PUS10: variants seen among roughly 807,000 people sequenced by gnomAD.
PUS10 encodes tRNA pseudouridine synthase Pus10.
Under a neutral mutation model 75.0 loss-of-function variants are expected in PUS10, and 59 were observed. The observed-to-expected ratio is 0.79, with a 90% confidence interval of 0.64 to 0.98. The LOEUF (loss-of-function observed/expected upper bound fraction) is 0.98, where lower values mean the gene tolerates loss of function less well. Among genes scored for constraint, PUS10 ranks in the 50% least tolerant of loss-of-function variants. PUS10 has a pLI of 0.00. For synonymous variants in PUS10, 219 were observed against 211.6 expected (o/e 1.03, Z -0.30); for missense variants, 650 against 614.4 (o/e 1.06, Z -0.61).
chr2:60,989,290 C>G (rs966541010), intron 4 of PUS10, among the ~76,000 whole-genome samples: 1 of 152,280 alleles, frequency 6.6e-6, no homozygotes, highest in African/African-American at 2.4e-5. Flanking sequence ...TCCCCTACCC[C>G]ACTCCATGCA....
intron 4 of PUS10, among the ~76,000 whole-genome samples, chr2:60,979,354 G>A (rs1317345025): frequency 6.6e-6 from 1 of 152,052 alleles, no homozygotes; most frequent in Non-Finnish European, 1.5e-5. Flanking sequence ...CTCCATCAGG[G>A]CCTGTGCCTC....
intron 17 of PUS10, 143 bp from the exon 18 acceptor site, chr2:60,942,576 A>ATTAACCC: frequency 1.5e-6 from 1 of 662,498 alleles, no homozygotes; most frequent in Non-Finnish European, 2.7e-6. Flanking sequence ...AATACCATAA[A>ATTAACCC]TTAACCCTCA....
intron 2 of PUS10, chr2:61,010,233 C>T (rs1679509963): frequency 6.6e-6 from 1 of 152,576 alleles, no homozygotes; most frequent in South Asian, 2.1e-4. Context: ...CAAAACCAGT[C>T]TTATTACTTT....
In PUS10 at chr2:60,965,426, A is replaced by C. The variant is rs769242531; in HGVS notation, c.674T>G (p.Phe225Cys). ...CGTTGTTTACATGGCAACTTACAGG[A>C]AGTGGCAATCCTCAACTGTTTCTGG... Reference protein sequence around the residue: ...AHPETVEDCHFLAAICPDCFK... With the variant: ...AHPETVEDCHCLAAICPDCFK... Residue 225 changes from phenylalanine to cysteine, a missense_variant, in exon 7 of 18, where the codon TTC becomes TGC. Physicochemically the swap from Phe to Cys is radical, Grantham distance 205. Coordinates refer to ENST00000316752, the MANE Select transcript of PUS10 (RefSeq NM_144709.4). The C allele has an allele frequency of 5.6e-6, 9 of 1,610,612 alleles. No homozygotes were observed. The highest frequency in any genetic ancestry group is 5.9e-6 in the Non-Finnish European group (7 of 1,178,310).
At chr2:60,960,343 C>CAA (rs375391646) in intron 11 of PUS10, 49 bp downstream of exon 11, 10,313 of 1,133,086 alleles carry the variant, frequency 9.1e-3, no homozygotes, top group Non-Finnish European at 0.01. Flanking sequence ...GCCCCTATCT[C>CAA]AAAAAAAAAA....
At chr2:61,007,257 A>G (rs1162305325) in intron 3 of PUS10, among the ~76,000 whole-genome samples, 1 of 151,960 alleles carries the variant, frequency 6.6e-6, no homozygotes, top group African/African-American at 2.4e-5. Flanking sequence ...TAATGATCCA[A>G]TTGTGTGAAA....
chr2:60,955,424 G>A (rs766284581), intron 11 of PUS10, among the ~76,000 whole-genome samples: 4 of 151,924 alleles, frequency 2.6e-5, no homozygotes, highest in Non-Finnish European at 5.9e-5. Context: ...CAAACTCCTG[G>A]GCCCAATCAA....
intron 4 of PUS10, among the ~76,000 whole-genome samples, chr2:60,992,874 C>T (rs565099143): frequency 3.3e-5 from 5 of 152,266 alleles, no homozygotes; most frequent in South Asian, 4.1e-4. Flanking sequence ...TGATCATACT[C>T]GATACCGCAA....
intron 4 of PUS10, among the ~76,000 whole-genome samples, chr2:60,992,883 A>C (rs1678201198): frequency 6.6e-6 from 1 of 152,248 alleles, no homozygotes; most frequent in Non-Finnish European, 1.5e-5. Flanking sequence ...TCGATACCGC[A>C]ACATTTACTT....
chr2:60,952,906 C>T, intron 15 of PUS10, 91 bp downstream of exon 15: 1 of 763,852 alleles, frequency 1.3e-6, no homozygotes, highest in East Asian at 2.5e-5. Context: ...AGCCCATGCC[C>T]TGTGACTTGC....
chr2:60,955,829 A>G (rs1318763064), intron 11 of PUS10, among the ~76,000 whole-genome samples: 1 of 151,640 alleles, frequency 6.6e-6, no homozygotes, highest in Non-Finnish European at 1.5e-5. Flanking sequence ...AGAGCCCACC[A>G]CCCCTCTGGC....
At chr2:60,985,638 T>A (rs978099156) in intron 4 of PUS10, among the ~76,000 whole-genome samples, 2 of 152,212 alleles carry the variant, frequency 1.3e-5, no homozygotes, top group Admixed American at 1.3e-4. Context: ...GTAGCGGGAA[T>A]TACAGGCATG....
At chr2:60,973,278 A>G (rs1676806372) in intron 4 of PUS10, among the ~76,000 whole-genome samples, 1 of 152,180 alleles carries the variant, frequency 6.6e-6, no homozygotes, top group South Asian at 2.1e-4. Context: ...GGGAAAACGC[A>G]AAGAGGCAGG....
intron 15 of PUS10, among the ~76,000 whole-genome samples, chr2:60,949,148 T>C (rs943391251): frequency 6.6e-6 from 1 of 152,206 alleles, no homozygotes; most frequent in Non-Finnish European, 1.5e-5. Context: ...TCTGTGGTTT[T>C]TATGATTCTT....
chr2:61,016,949 G>A (rs1489566292), intron 1 of PUS10, among the ~76,000 whole-genome samples: 1 of 151,630 alleles, frequency 6.6e-6, no homozygotes, highest in Non-Finnish European at 1.5e-5. Context: ...AATCTACTGT[G>A]GACTCTTGAA....
chr2:60,953,891 A>G lies in PUS10; in HGVS notation c.1190+42T>C. 1.9e-6 allele frequency: 3 copies of G among 1,538,886 alleles called. No individual in the cohort carries two copies. The South Asian group carries it at 3.4e-5, about 17-fold the overall frequency. Reference sequence around the variant, plus strand: ...TATCAAGATATGTGACCTGCAACTAAAACGTCCCTTTTGAAATCATCTCCA... The same window carrying G: ...TATCAAGATATGTGACCTGCAACTAGAACGTCCCTTTTGAAATCATCTCCA... On this transcript the variant is annotated intron_variant, in intron 14 of 17. Transcript: ENST00000316752.
chr2:61,005,887 T>A (rs2564117), intron 4 of PUS10, among the ~76,000 whole-genome samples: 95,807 of 152,106 alleles, frequency 0.63, 32,063 homozygotes, highest in African/African-American at 0.86. Flanking sequence ...ATACTGTAGG[T>A]TTCTTAGGGG....
chr2:60,989,177 A>G (rs1677915437), intron 4 of PUS10, among the ~76,000 whole-genome samples: 1 of 152,124 alleles, frequency 6.6e-6, no homozygotes, highest in African/African-American at 2.4e-5. Context: ...GCACCAAGGA[A>G]TTCTGGAAAT....
Position 60,974,283 on chromosome 2 carries a change from C to T in PUS10, c.469-2726G>A, listed in dbSNP as rs1052078807. On this transcript the variant is annotated intron_variant, in intron 4 of 17. Transcript: ENST00000316752. ...CAGGCTGGAGTGCAGTGGTGCGATACCAGCTCACTGCAACCTCCGCCTCCC... is the reference window on the plus strand; with the variant it reads ...CAGGCTGGAGTGCAGTGGTGCGATATCAGCTCACTGCAACCTCCGCCTCCC... Among the ~76,000 whole-genome samples the T allele has an allele frequency of 2.7e-5, 4 of 147,100 alleles. No individual in the cohort carries two copies. The South Asian group carries it at 8.6e-4, about 32-fold the overall frequency.
Sources: allele counts gnomAD v4.1 joint callset (sites outside exome capture counted in the v4.1 genomes callset), GRCh38; gene constraint gnomAD v4.1.1; transcripts MANE v1.5; gene names NCBI Gene and HGNC (gene_info 2026-07-23, HGNC 2026-07-21).